Variants in STK3 observed in about 807,000 individuals in gnomAD.
STK3 encodes the protein serine/threonine kinase 3.
STK3 carries 41 observed loss-of-function variants against 58.0 expected under a neutral mutation model. That is an observed-to-expected ratio of 0.71 (90% CI 0.55 to 0.92). STK3 has a LOEUF of 0.92. Among genes scored for constraint, STK3 ranks in the 40% least tolerant of loss-of-function variants. STK3 has a pLI of 0.00. For missense variants in STK3, 479 were observed against 602.7 expected (o/e 0.79, Z 2.15); for synonymous variants, 170 against 191.0 (o/e 0.89, Z 0.91).
chr8:98,652,290 T>C (rs1324365710), intron 6 of STK3, among the ~76,000 whole-genome samples: 3 of 151,998 alleles, frequency 2.0e-5, no homozygotes, highest in African/African-American at 4.8e-5. Context: ...CTGAGAGATT[T>C]TGTCACCACC....
At chr8:98,862,959 G>C (rs1289393199) in intron 3 of STK3, among the ~76,000 whole-genome samples, 1 of 152,206 alleles carries the variant, frequency 6.6e-6, no homozygotes, top group East Asian at 1.9e-4. Flanking sequence ...AGGCAAGGAG[G>C]CACTCCCAAA....
At chr8:98,503,674 AG>A (rs1023487908) in intron 10 of STK3, among the ~76,000 whole-genome samples, 3 of 152,194 alleles carry the variant, frequency 2.0e-5, no homozygotes, top group African/African-American at 7.2e-5. Context: ...GTACTCATTC[AG>A]GAGCAGGTTG....
intron 1 of STK3, among the ~76,000 whole-genome samples, chr8:98,783,293 A>G (rs1488144807): frequency 6.6e-6 from 1 of 152,212 alleles, no homozygotes; most frequent in Non-Finnish European, 1.5e-5. Flanking sequence ...AACAACGTAC[A>G]TACCTTAATA....
chr8:98,732,131 G>A (rs574486626), intron 4 of STK3, among the ~76,000 whole-genome samples: 5 of 152,028 alleles, frequency 3.3e-5, no homozygotes, highest in South Asian at 4.2e-4. Flanking sequence ...AAAGCACCCC[G>A]CCTCCTCCAA....
At chr8:98,413,433 G>A in intron 3 of STK3, 1 of 573,128 alleles carries the variant, frequency 1.7e-6, no homozygotes, top group Non-Finnish European at 3.4e-6. Flanking sequence ...CACTTTCCTG[G>A]GGTCCAGAGT....
At position 98,619,269 on chromosome 8, in the gene STK3, A is replaced by G. The variant is rs558614432; in HGVS notation, c.685-23100T>C. 1.2e-4 allele frequency among the ~76,000 whole-genome samples: 18 copies of G among 151,320 alleles called. No homozygotes were observed. The South Asian group carries it at 3.8e-3, about 32-fold the overall frequency. Reference sequence around the variant, plus strand: ...GGAAAACTGGCTAGCCATATGTAGAAAGCTGAAACTGGATCCCTTCCTTAC... The same window carrying G: ...GGAAAACTGGCTAGCCATATGTAGAGAGCTGAAACTGGATCCCTTCCTTAC... On this transcript the variant is annotated intron_variant, in intron 6 of 10. Coordinates refer to ENST00000419617, the MANE Select transcript of STK3 (RefSeq NM_006281.4).
At chr8:98,907,924 C>A (rs1458673002) in intron 1 of STK3, among the ~76,000 whole-genome samples, 2 of 152,124 alleles carry the variant, frequency 1.3e-5, no homozygotes, top group Non-Finnish European at 2.9e-5. Context: ...TTGATCCGCC[C>A]TTTAGAGTTT....
intron 1 of STK3, among the ~76,000 whole-genome samples, chr8:98,799,960 T>A (rs1449016403): frequency 6.6e-6 from 1 of 151,680 alleles, no homozygotes; most frequent in East Asian, 1.9e-4. Context: ...AGGGGAAGAG[T>A]GTTGTTTTTA....
At chr8:98,748,770 T>C (rs1181906886) in intron 4 of STK3, among the ~76,000 whole-genome samples, 1 of 151,934 alleles carries the variant, frequency 6.6e-6, no homozygotes, top group Non-Finnish European at 1.5e-5. Context: ...AAGCTAAATT[T>C]ATAGAAATAT....
At chr8:98,742,238 A>G (rs1259212755) in intron 4 of STK3, among the ~76,000 whole-genome samples, 1 of 151,960 alleles carries the variant, frequency 6.6e-6, no homozygotes, top group African/African-American at 2.4e-5. Context: ...TTATGAGGCC[A>G]GCATCATCCT....
intron 6 of STK3, among the ~76,000 whole-genome samples, chr8:98,670,721 T>C (rs1822763489): frequency 6.6e-6 from 1 of 152,182 alleles, no homozygotes; most frequent in Non-Finnish European, 1.5e-5. Flanking sequence ...GCCCCCCCGA[T>C]CCTGTGCCCA....
chr8:98,435,296 G>A (rs554429536), intron 2 of STK3, among the ~76,000 whole-genome samples: 12 of 152,346 alleles, frequency 7.9e-5, no homozygotes, highest in African/African-American at 2.9e-4. Context: ...CAGTAACAGG[G>A]ACCTGCATAG....
rs1185618245 is a variant in STK3 at position 98,675,660 on chromosome 8, A to AG, written c.684+30806dup. Among the ~76,000 whole-genome samples, 12 of 152,218 alleles carry AG rather than the reference A, an allele frequency of 7.9e-5. 1 individual carries two copies. Among genetic ancestry groups the AG allele is most frequent in the African/African-American group, 2.6e-4 (11 of 41,542 alleles). ...GGTGGATCACGAGGTCAGGAGATCGAGACCATCCTGGCCAACACGGTGAAA... is the reference window on the plus strand; with the variant it reads ...GGTGGATCACGAGGTCAGGAGATCGAGGACCATCCTGGCCAACACGGTGAAA... On this transcript the variant is annotated intron_variant, in intron 6 of 10. Coordinates refer to ENST00000419617, the MANE Select transcript of STK3 (RefSeq NM_006281.4).
intron 1 of STK3, among the ~76,000 whole-genome samples, chr8:98,939,828 C>A (rs1236811466): frequency 6.6e-6 from 1 of 152,246 alleles, no homozygotes; most frequent in Non-Finnish European, 1.5e-5. Flanking sequence ...CCGGGCCAGT[C>A]CCGCCCTGGG....
At chr8:98,435,717 G>A (rs1463262911) in intron 2 of STK3, among the ~76,000 whole-genome samples, 1 of 152,074 alleles carries the variant, frequency 6.6e-6, no homozygotes, top group Non-Finnish European at 1.5e-5. Context: ...GTGCCACCTG[G>A]AGAGACAGGG....
chr8:98,845,964 G>A (rs1202901666), intron 3 of STK3, among the ~76,000 whole-genome samples: 3 of 152,200 alleles, frequency 2.0e-5, no homozygotes, highest in Admixed American at 2.0e-4. Context: ...TGCCAGAGTA[G>A]GAAGTTGCTG....
chr8:98,508,019 T>A (rs1174360430), intron 10 of STK3, among the ~76,000 whole-genome samples: 1 of 152,190 alleles, frequency 6.6e-6, no homozygotes, highest in Admixed American at 6.5e-5. Context: ...TTTACTAATT[T>A]ATTATGGTTA....
chr8:98,784,641 C>CT, intron 1 of STK3, among the ~76,000 whole-genome samples: 1 of 152,200 alleles, frequency 6.6e-6, no homozygotes, highest in South Asian at 2.1e-4. Context: ...AGATCTAGAG[C>CT]TATTCAGAGC....
At chr8:98,476,598 A>C (rs1323745084) in intron 10 of STK3, among the ~76,000 whole-genome samples, 1 of 152,232 alleles carries the variant, frequency 6.6e-6, no homozygotes, top group Admixed American at 6.5e-5. Flanking sequence ...TCATGTTATA[A>C]AATGAAAAAG....
Sources: gnomAD v4.1 joint callset for allele counts (sites outside exome capture counted in the v4.1 genomes callset) on GRCh38, gnomAD v4.1.1 for gene constraint, MANE v1.5 for transcripts, NCBI Gene and HGNC (gene_info 2026-07-23, HGNC 2026-07-21) for gene names.